Variants in BMPER observed in about 807,000 individuals in gnomAD.
BMPER encodes BMP-binding endothelial regulator protein.
A neutral mutation model predicts 87.3 loss-of-function variants in BMPER; 45 were observed. The ratio of observed to expected loss-of-function variants is 0.52; its 90% confidence interval spans 0.41 to 0.66. BMPER has a LOEUF of 0.66. BMPER is among the 30% of genes least tolerant of loss of function. The probability of loss-of-function intolerance (pLI) is 0.00; values close to 1 mark genes in which losing one functional copy is unlikely to be tolerated. For missense variants in BMPER, 784 were observed against 867.5 expected (o/e 0.90, Z 1.21); for synonymous variants, 326 against 316.2 (o/e 1.03, Z -0.33).
chr7:34,055,012 A>C, intron 8 of BMPER, 151 bp from the exon 9 acceptor site: 2 of 1,141,972 alleles, frequency 1.8e-6, no homozygotes, highest in Non-Finnish European at 2.6e-6. Context: ...TCACAATTTG[A>C]AGTGAATGAA....
At chr7:34,008,981 C>A (rs1458741836) in intron 6 of BMPER, among the ~76,000 whole-genome samples, 2 of 151,746 alleles carry the variant, frequency 1.3e-5, no homozygotes, top group Non-Finnish European at 2.9e-5. Flanking sequence ...AGACACTGTG[C>A]CTGGCTAACT....
intron 13 of BMPER, among the ~76,000 whole-genome samples, chr7:34,089,372 C>T (rs552215065): frequency 2.0e-5 from 3 of 152,242 alleles, no homozygotes; most frequent in East Asian, 1.9e-4. Context: ...ACAAATCCCA[C>T]AGGGCAAATT....
chr7:33,972,173 G>T (rs146799861), intron 5 of BMPER, among the ~76,000 whole-genome samples: 3,185 of 152,212 alleles, frequency 0.021, 102 homozygotes, highest in African/African-American at 0.072. Context: ...AAAGTGCTGG[G>T]ATTACAGGCG....
rs1243007810 is a variant in BMPER at position 34,024,402 on chromosome 7, T to A, written c.577-21904T>A. ...AAAAAACAATATATATATATATATA[T>A]ATATATATATATATATATATATATA... On this transcript the variant is annotated intron_variant, in intron 6 of 14. Coordinates refer to ENST00000649409, the MANE Select transcript of BMPER (RefSeq NM_001365308.1). Among the ~76,000 whole-genome samples, 31 of 21,764 alleles carry A rather than the reference T, an allele frequency of 1.4e-3. 1 individual carries two copies. Among genetic ancestry groups the A allele is most frequent in the African/African-American group, 4.6e-3 (24 of 5,186 alleles). The allele number at this position is 21,764 out of a possible 152,430, so 14.3% of individuals were successfully genotyped here.
intron 13 of BMPER, among the ~76,000 whole-genome samples, chr7:34,094,529 G>A (rs183835701): frequency 1.1e-3 from 161 of 152,370 alleles, no homozygotes; most frequent in Non-Finnish European, 2.4e-4. Context: ...CCTGTTTGAA[G>A]GCCGCCATGA....
chr7:33,938,115 TC>T (rs1784656187), intron 3 of BMPER, among the ~76,000 whole-genome samples: 1 of 152,172 alleles, frequency 6.6e-6, no homozygotes, highest in Non-Finnish European at 1.5e-5. Context: ...GGTGTGATTT[TC>T]CCCCTCTGTG....
chr7:34,027,337 A>G (rs911380873), intron 6 of BMPER, among the ~76,000 whole-genome samples: 5 of 152,128 alleles, frequency 3.3e-5, no homozygotes, highest in Non-Finnish European at 7.4e-5. Flanking sequence ...AGACAATGAC[A>G]TGAGGTGTAC....
intron 3 of BMPER, among the ~76,000 whole-genome samples, chr7:33,946,802 C>T (rs560285152): frequency 2.7e-4 from 41 of 152,292 alleles, no homozygotes; most frequent in Admixed American, 2.4e-3. Flanking sequence ...ATAGTTCAGA[C>T]GTATTCTTAG....
intron 13 of BMPER, among the ~76,000 whole-genome samples, chr7:34,132,334 C>A (rs759662277): frequency 1.3e-5 from 2 of 151,980 alleles, no homozygotes; most frequent in Non-Finnish European, 2.9e-5. Context: ...CTGCCCTGCT[C>A]TCCCCACCAC....
intron 13 of BMPER, among the ~76,000 whole-genome samples, chr7:34,115,921 A>G (rs1790106113): frequency 6.6e-6 from 1 of 152,240 alleles, no homozygotes; most frequent in Admixed American, 6.5e-5. Context: ...CAGTTTTCCA[A>G]AGTGGCTGCT....
intron 14 of BMPER, among the ~76,000 whole-genome samples, chr7:34,146,751 C>A (rs1408030200): frequency 1.3e-5 from 2 of 152,044 alleles, no homozygotes; most frequent in East Asian, 3.9e-4. Flanking sequence ...GCATCATTGC[C>A]CCGTCCTTAA....
At chr7:33,918,118 T>C (rs1411823514) in intron 2 of BMPER, among the ~76,000 whole-genome samples, 8 of 152,104 alleles carry the variant, frequency 5.3e-5, no homozygotes, top group Admixed American at 2.6e-4. Flanking sequence ...TGGGATTACA[T>C]GAGTGAGCCA....
At chr7:34,093,223 A>G (rs1251120397) in intron 13 of BMPER, among the ~76,000 whole-genome samples, 1 of 152,194 alleles carries the variant, frequency 6.6e-6, no homozygotes, top group Admixed American at 6.5e-5. Context: ...ACCTCGTGGC[A>G]TCATGGGCTG....
chr7:33,985,635 C>T (rs1400072743), intron 6 of BMPER, among the ~76,000 whole-genome samples: 1 of 152,032 alleles, frequency 6.6e-6, no homozygotes, highest in Non-Finnish European at 1.5e-5. Flanking sequence ...CTACATATTT[C>T]CTGCACCATA....
intron 14 of BMPER, among the ~76,000 whole-genome samples, chr7:34,150,530 C>G (rs1407496440): frequency 2.0e-5 from 3 of 152,046 alleles, no homozygotes; most frequent in Admixed American, 6.5e-5. Flanking sequence ...TACAATTACT[C>G]TGTATAAATA....
At chr7:34,112,626 G>A (rs1053847688) in intron 13 of BMPER, among the ~76,000 whole-genome samples, 1 of 151,664 alleles carries the variant, frequency 6.6e-6, no homozygotes, top group Non-Finnish European at 1.5e-5. Context: ...CAACAATCAG[G>A]TCATATTGTG....
rs1791077940 is a variant in BMPER at position 34,148,141 on chromosome 7, C to T, written c.1876+4781C>T. 2.0e-5 allele frequency among the ~76,000 whole-genome samples: 3 copies of T among 152,136 alleles called. No individual in the cohort carries two copies. The South Asian group carries it at 6.2e-4, about 32-fold the overall frequency. On this transcript the variant is annotated intron_variant, in intron 14 of 14. Coordinates refer to ENST00000649409, the MANE Select transcript of BMPER (RefSeq NM_001365308.1). ...CACCAAACCAAGGATCCGCCCTTCC[C>T]TGATTAAGCCACAGTACCTTGCTGT... is the stretch of plus-strand genomic sequence containing the variant.
At chr7:34,007,095 T>C (rs1786754904) in intron 6 of BMPER, among the ~76,000 whole-genome samples, 1 of 152,080 alleles carries the variant, frequency 6.6e-6, no homozygotes, top group Non-Finnish European at 1.5e-5. Flanking sequence ...CCATAACTAA[T>C]TCAATTGATT....
intron 6 of BMPER, among the ~76,000 whole-genome samples, chr7:34,009,419 G>A (rs1274417417): frequency 6.6e-6 from 1 of 151,896 alleles, no homozygotes; most frequent in Non-Finnish European, 1.5e-5. Context: ...GGGAGGACTT[G>A]CTTTTGGGGA....
Sources: gnomAD v4.1 joint callset for allele counts (sites outside exome capture counted in the v4.1 genomes callset) on GRCh38, gnomAD v4.1.1 for gene constraint, MANE v1.5 for transcripts, NCBI Gene and HGNC (gene_info 2026-07-23, HGNC 2026-07-21) for gene names.